UBR3: variants seen among roughly 807,000 people sequenced by gnomAD.
UBR3 encodes E3 ubiquitin-protein ligase UBR3.
In UBR3, 85 loss-of-function variants were observed where a neutral mutation model predicts 243.2. The observed-to-expected ratio is 0.35, with a 90% CI of 0.29 to 0.42. The LOEUF (loss-of-function observed/expected upper bound fraction) is 0.42. UBR3 is among the 10% of genes least tolerant of loss of function. The pLI, the probability that UBR3 is intolerant of heterozygous loss-of-function variation, is 1.00. For missense variants in UBR3, 1,686 were observed against 2,300.8 expected, an observed-to-expected ratio of 0.73 and a Z score of 5.47; for synonymous variants, 748 against 799.8, an observed-to-expected ratio of 0.94 and a Z score of 1.09.
At chr2:170,072,870 GAT>G in intron 35 of UBR3, among the ~76,000 whole-genome samples, 1 of 152,172 alleles carries the variant, frequency 6.6e-6, no homozygotes, top group East Asian at 1.9e-4. Flanking sequence ...CAACTTTTAA[GAT>G]ATGAATTCTT....
chr2:169,893,628 C>G (rs1270896893), intron 6 of UBR3, among the ~76,000 whole-genome samples: 2 of 152,186 alleles, frequency 1.3e-5, no homozygotes, highest in African/African-American at 4.8e-5. Context: ...ATGGTCTTGG[C>G]TCACTGCAAC....
intron 4 of UBR3, among the ~76,000 whole-genome samples, 174 bp downstream of exon 4, chr2:169,877,811 C>A (rs945004348): frequency 6.6e-6 from 1 of 152,012 alleles, no homozygotes; most frequent in African/African-American, 2.4e-5. Flanking sequence ...AATAGATTGA[C>A]CAAAGAAGAG....
At chr2:169,996,126 G>A (rs961900586) in intron 26 of UBR3, among the ~76,000 whole-genome samples, 2 of 152,124 alleles carry the variant, frequency 1.3e-5, no homozygotes, top group Non-Finnish European at 2.9e-5. Flanking sequence ...AGAATAAATA[G>A]GAACTGACCT....
chr2:170,069,731 T>A (rs1349327351), intron 35 of UBR3, among the ~76,000 whole-genome samples: 2 of 151,992 alleles, frequency 1.3e-5, no homozygotes, highest in African/African-American at 4.8e-5. Context: ...CATGTTGTGA[T>A]AAATTGACAG....
intron 35 of UBR3, among the ~76,000 whole-genome samples, chr2:170,069,221 C>A (rs12987932): frequency 0.42 from 64,017 of 151,910 alleles, 14,989 homozygotes; most frequent in Non-Finnish European, 0.54. Flanking sequence ...AAAGCCTTCA[C>A]AAAATATTAG....
intron 24 of UBR3, 119 bp downstream of exon 24, chr2:169,958,645 G>T (rs899258519): frequency 6.0e-6 from 5 of 835,636 alleles, no homozygotes; most frequent in Non-Finnish European, 5.4e-6. Flanking sequence ...GTGTTTATTT[G>T]GTCCTTAAAC....
intron 15 of UBR3, 38 bp downstream of exon 15, chr2:169,926,782 T>C: frequency 1.3e-6 from 2 of 1,544,144 alleles, no homozygotes; most frequent in Non-Finnish European, 1.7e-6. Context: ...TTAGGAAGTG[T>C]CCAGTTAATT....
At chr2:169,984,583 C>A (rs975348429) in intron 24 of UBR3, among the ~76,000 whole-genome samples, 10 of 152,050 alleles carry the variant, frequency 6.6e-5, no homozygotes, top group African/African-American at 2.4e-4. Context: ...AAGTGAGAAA[C>A]TATAATCACA....
intron 24 of UBR3, chr2:169,964,287 A>G (rs2087711742): frequency 4.0e-5 from 15 of 376,850 alleles, no homozygotes; most frequent in South Asian, 3.1e-4. Context: ...TCTGATGTAC[A>G]GTTTTAGTTC....
chr2:169,929,754 G>T (rs2086049355), intron 18 of UBR3, among the ~76,000 whole-genome samples: 1 of 152,154 alleles, frequency 6.6e-6, no homozygotes, highest in African/African-American at 2.4e-5. Flanking sequence ...GATTTACACA[G>T]TCTTTTTTTG....
chr2:169,947,250 T>G (rs2086821405), intron 21 of UBR3, among the ~76,000 whole-genome samples: 1 of 152,166 alleles, frequency 6.6e-6, no homozygotes, highest in African/African-American at 2.4e-5. Flanking sequence ...AGGATGAATA[T>G]TCTGTAATGT....
chr2:169,957,909 T>C (rs975731467), intron 23 of UBR3, among the ~76,000 whole-genome samples: 1 of 152,230 alleles, frequency 6.6e-6, no homozygotes, highest in African/African-American at 2.4e-5. Flanking sequence ...ACTTGAAATA[T>C]GTCCTAGTAG....
At chr2:169,850,127 T>G (rs2082607466) in intron 1 of UBR3, among the ~76,000 whole-genome samples, 1 of 151,868 alleles carries the variant, frequency 6.6e-6, no homozygotes, top group Admixed American at 6.6e-5. Context: ...GTCAACTGTT[T>G]TCTCTTGAGG....
rs538913833 is a variant in UBR3 at position 169,885,158 on chromosome 2, A to G, written c.1039-6007A>G. Reference sequence around the variant, plus strand: ...TTCTACACCATTACCTTATAGGCCCATGGGATTGTTAAGCAAACCCTTTTC... The same window carrying G: ...TTCTACACCATTACCTTATAGGCCCGTGGGATTGTTAAGCAAACCCTTTTC... On this transcript the variant is annotated intron_variant, in intron 5 of 38. Coordinates refer to ENST00000272793, the MANE Select transcript of UBR3 (RefSeq NM_172070.4). 2.6e-5 allele frequency among the ~76,000 whole-genome samples: 4 copies of G among 152,356 alleles called. No individual in the cohort carries two copies. In the South Asian group the frequency reaches 8.3e-4, roughly 32 times the overall value.
At chr2:169,975,885 C>CATAT (rs3083011) in intron 24 of UBR3, among the ~76,000 whole-genome samples, 36 of 150,718 alleles carry the variant, frequency 2.4e-4, no homozygotes, top group African/African-American at 8.5e-4. Context: ...CAATTAAAAA[C>CATAT]ATATATATAT....
chr2:169,919,521 A>G (rs1197379966), intron 11 of UBR3, among the ~76,000 whole-genome samples: 4 of 152,246 alleles, frequency 2.6e-5, no homozygotes, highest in African/African-American at 9.6e-5. Context: ...CAGAGTGAAC[A>G]GGCAACCTAC....
intron 4 of UBR3, among the ~76,000 whole-genome samples, chr2:169,877,971 T>A (rs1459730317): frequency 6.6e-6 from 1 of 152,218 alleles, no homozygotes; most frequent in Non-Finnish European, 1.5e-5. Flanking sequence ...AAGAGATCCT[T>A]CTGAAACACC....
chr2:169,859,117 GCT>G (rs1305225107), intron 1 of UBR3, among the ~76,000 whole-genome samples: 1 of 99,048 alleles, frequency 1.0e-5, no homozygotes, highest in African/African-American at 4.1e-5. Flanking sequence ...ATGGAGTCTT[GCT>G]CTGTTGCCCA....
chr2:169,855,701 G>C (rs183031475), intron 1 of UBR3, among the ~76,000 whole-genome samples: 6,633 of 152,314 alleles, frequency 0.044, 167 homozygotes, highest in Middle Eastern at 0.068. Flanking sequence ...CAAGGCAGAA[G>C]AATTTTTCTT....
Sources: allele counts gnomAD v4.1 joint callset (sites outside exome capture counted in the v4.1 genomes callset), GRCh38; gene constraint gnomAD v4.1.1; transcripts MANE v1.5; gene names NCBI Gene and HGNC (gene_info 2026-07-23, HGNC 2026-07-21).